IREB2: variants seen among roughly 807,000 people sequenced by gnomAD.
IREB2 encodes the protein iron-responsive element-binding protein 2.
IREB2 carries 39 observed loss-of-function variants against 118.8 expected under a neutral mutation model. The observed-to-expected ratio is 0.33, with a 90% CI of 0.25 to 0.43. The LOEUF is 0.43. IREB2 is among the 20% of genes least tolerant of loss of function. IREB2 has a pLI of 1.00. For synonymous variants in IREB2, 372 were observed against 392.2 expected (o/e 0.95, Z 0.61); for missense variants, 900 against 1,147.3 (o/e 0.78, Z 3.11).
chr15:78,488,453 G>A (rs898826291), intron 15 of IREB2, 117 bp downstream of exon 15: 1 of 1,010,494 alleles, frequency 9.9e-7, no homozygotes, highest in Non-Finnish European at 1.4e-6. Flanking sequence ...GAAGACGTAT[G>A]ATAATGTATA....
intron 5 of IREB2, among the ~76,000 whole-genome samples, chr15:78,467,417 C>T (rs116924526): frequency 8.6e-4 from 131 of 152,242 alleles, no homozygotes; most frequent in Middle Eastern, 6.8e-3. Context: ...TATGGCCAGG[C>T]GCGGTGGCGC....
chr15:78,454,902 G>T (rs1345342158), intron 2 of IREB2, among the ~76,000 whole-genome samples: 1 of 152,084 alleles, frequency 6.6e-6, no homozygotes, highest in African/African-American at 2.4e-5. Context: ...ATGTTGCCCA[G>T]GTTGTCCGAA....
intron 4 of IREB2, 67 bp downstream of exon 4, chr15:78,465,455 G>A: frequency 1.4e-6 from 2 of 1,384,712 alleles, no homozygotes; most frequent in Non-Finnish European, 2.0e-6. Flanking sequence ...TCATGTAGAG[G>A]AAAAGGAATA....
intron 18 of IREB2, among the ~76,000 whole-genome samples, chr15:78,492,606 T>G (rs2051769841): frequency 6.6e-6 from 1 of 152,190 alleles, no homozygotes; most frequent in Non-Finnish European, 1.5e-5. Context: ...CACTCTTGCC[T>G]GGGCTGAAAG....
intron 12 of IREB2, 127 bp from the exon 13 acceptor site, chr15:78,485,578 A>T: frequency 1.0e-6 from 1 of 962,860 alleles, no homozygotes. Flanking sequence ...GGACAAAATA[A>T]TGACAGTAAG....
chr15:78,465,085 AATTCTT>A (rs1354665923), intron 3 of IREB2, among the ~76,000 whole-genome samples, 160 bp from the exon 4 acceptor site: 1 of 152,238 alleles, frequency 6.6e-6, no homozygotes, highest in Non-Finnish European at 1.5e-5. Context: ...GTTTAATGTT[AATTCTT>A]ATTAAACAGG....
intron 2 of IREB2, among the ~76,000 whole-genome samples, chr15:78,441,447 A>G (rs2050842825): frequency 6.6e-6 from 1 of 152,184 alleles, no homozygotes; most frequent in Non-Finnish European, 1.5e-5. Context: ...TTTATTTCCC[A>G]TTTACTTCTC....
At chr15:78,458,729 G>T (rs1316879626) in intron 2 of IREB2, among the ~76,000 whole-genome samples, 1 of 152,114 alleles carries the variant, frequency 6.6e-6, no homozygotes, top group African/African-American at 2.4e-5. Flanking sequence ...CCTAGTAGGC[G>T]CCAGCTTCAT....
chr15:78,456,893 C>T (rs72738727), intron 2 of IREB2, among the ~76,000 whole-genome samples: 1,604 of 152,168 alleles, frequency 0.011, 21 homozygotes, highest in Non-Finnish European at 0.018. Context: ...AATTGCCCTT[C>T]TTATACTACT....
rs1176872040 is a variant in IREB2, at chr15:78,483,309, A to G, written c.1297-9A>G. 2 of 1,286,338 alleles carry G rather than the reference A, an allele frequency of 1.6e-6. No homozygotes were observed. The highest frequency in any genetic ancestry group is 2.4e-5 in the South Asian group (2 of 82,136). The allele number at this position is 1,286,338 out of a possible 1,614,324, so 79.7% of individuals were successfully genotyped here. Reference sequence around the variant, plus strand: ...TAATTCCTTGTTCTTTCTCTTTCTCATTTCTTAGGTGATCCAGATTAATCT... The same window carrying G: ...TAATTCCTTGTTCTTTCTCTTTCTCGTTTCTTAGGTGATCCAGATTAATCT... On this transcript the variant is annotated splice_polypyrimidine_tract_variant and intron_variant, in intron 10 of 21. Transcript: ENST00000258886.
intron 20 of IREB2, among the ~76,000 whole-genome samples, chr15:78,494,873 C>G (rs1421384002): frequency 2.0e-5 from 3 of 152,156 alleles, no homozygotes; most frequent in Non-Finnish European, 4.4e-5. Flanking sequence ...TGCCCGGCCC[C>G]CACTGTTAAT....
chr15:78,499,169 G>A lies in IREB2; in HGVS notation c.*1026G>A, dbSNP rs1383237621. ...TGTCATTTTGAATCATTTATCACCT[G>A]CGATGCATGATTCTATTAATTTTGT... On this transcript the variant is annotated 3_prime_UTR_variant, in exon 22 of 22. Transcript: ENST00000258886. 1.5e-4 allele frequency: 23 copies of A among 152,110 alleles called. No individual in the cohort carries two copies. The allele number at this position is 152,110 out of a possible 1,614,324, so 9.4% of individuals were successfully genotyped here.
At chr15:78,488,106 T>A in intron 14 of IREB2, 74 bp from the exon 15 acceptor site, 1 of 1,402,396 alleles carries the variant, frequency 7.1e-7, no homozygotes, top group Non-Finnish European at 9.7e-7. Flanking sequence ...TTAAGATTGC[T>A]TATATATGAT....
chr15:78,494,269 T>C lies in IREB2; in HGVS notation c.2595+5T>C. On this transcript the variant is annotated splice_donor_5th_base_variant and intron_variant, in intron 20 of 21. Transcript: ENST00000258886. ...GCCAAAGGACCGTATTTACTGGTAT[T>C]GAATCTTAAAATTTATCATCTTAAG... is the stretch of plus-strand genomic sequence containing the variant. The C allele has an allele frequency of 6.2e-7, 1 of 1,608,662 alleles. No individual in the cohort carries two copies. The highest frequency in any genetic ancestry group is 8.5e-7 in the Non-Finnish European group (1 of 1,178,668).
At chr15:78,457,597 G>A (rs186672471) in intron 2 of IREB2, among the ~76,000 whole-genome samples, 55 of 152,174 alleles carry the variant, frequency 3.6e-4, no homozygotes, top group African/African-American at 1.3e-3. Flanking sequence ...AGGCAATCCT[G>A]ATTTCCTAAA....
intron 18 of IREB2, among the ~76,000 whole-genome samples, chr15:78,492,899 A>G (rs1016414397): frequency 9.8e-4 from 149 of 152,272 alleles, no homozygotes; most frequent in African/African-American, 3.4e-3. Flanking sequence ...CTAAAAAATG[A>G]AGAAGGAATG....
At chr15:78,450,691 T>C (rs2051008885) in intron 2 of IREB2, among the ~76,000 whole-genome samples, 1 of 152,218 alleles carries the variant, frequency 6.6e-6, no homozygotes, top group Non-Finnish European at 1.5e-5. Flanking sequence ...GTCCACGTGC[T>C]GTCAGAGCAG....
intron 2 of IREB2, among the ~76,000 whole-genome samples, chr15:78,455,607 G>C (rs544915622): frequency 2.9e-4 from 44 of 151,440 alleles, no homozygotes; most frequent in Middle Eastern, 6.9e-3. Flanking sequence ...CAGAGCATAT[G>C]TCCATTTTTC....
In IREB2 at chr15:78,490,733, G is replaced by C. The variant is rs1272349286; in HGVS notation, c.2296G>C (p.Ala766Pro). 1 of 1,614,094 alleles carries C rather than the reference G, an allele frequency of 6.2e-7. No homozygotes were observed. ...SPAGSIARNS[A>P]AAKYLTNRGL... ...TGCAGGAAGTATCGCTAGGAATAGT[G>C]CTGCCGCTAAGTATTTGACAAACAG... Residue 766 changes from alanine (A) to proline (P), a missense_variant, in exon 18 of 22, where the codon GCT becomes CCT. Coordinates refer to ENST00000258886, the MANE Select transcript of IREB2 (RefSeq NM_004136.4).
Sources: allele counts gnomAD v4.1 joint callset (sites outside exome capture counted in the v4.1 genomes callset), GRCh38; gene constraint gnomAD v4.1.1; transcripts MANE v1.5; gene names NCBI Gene and HGNC (gene_info 2026-07-23, HGNC 2026-07-21).